KDM4C: variants seen among roughly 807,000 people sequenced by gnomAD.
The protein encoded by KDM4C is lysine-specific demethylase 4C.
A neutral mutation model predicts 129.3 loss-of-function variants in KDM4C; 81 were observed. That is an observed-to-expected ratio of 0.63 (90% CI 0.52 to 0.75). KDM4C has a LOEUF of 0.75. Ranked by LOEUF, KDM4C falls within the 30% of genes least tolerant of loss-of-function variation. The probability of loss-of-function intolerance (pLI) is 0.00; values close to 1 mark genes in which losing one functional copy is unlikely to be tolerated. For missense variants in KDM4C, 1,457 were observed against 1,304.0 expected, an observed-to-expected ratio of 1.12 and a Z score of -1.81; for synonymous variants, 573 against 456.1, an observed-to-expected ratio of 1.26 and a Z score of -3.26.
intron 21 of KDM4C, 179 bp downstream of exon 21, chr9:7,170,069 G>A: frequency 6.7e-7 from 1 of 1,502,256 alleles, no homozygotes; most frequent in Non-Finnish European, 9.0e-7. Flanking sequence ...ACCAAAATCG[G>A]GGAAATTAAT....
At chr9:6,748,946 C>A (rs764346818) in intron 1 of KDM4C, 7 of 901,090 alleles carry the variant, frequency 7.8e-6, no homozygotes, top group South Asian at 6.5e-5. Flanking sequence ...GCACCATAAC[C>A]TTCTGCACTT....
intron 8 of KDM4C, among the ~76,000 whole-genome samples, chr9:6,939,877 G>C (rs983467087): frequency 6.6e-6 from 1 of 152,112 alleles, no homozygotes; most frequent in Non-Finnish European, 1.5e-5. Context: ...GAAAGTCTAA[G>C]TAAAAAACGT....
At chr9:7,130,717 A>G (rs1840532245) in intron 19 of KDM4C, among the ~76,000 whole-genome samples, 1 of 152,180 alleles carries the variant, frequency 6.6e-6, no homozygotes, top group African/African-American at 2.4e-5. Flanking sequence ...TAGATTGGAA[A>G]GGACGCATCT....
At chr9:7,043,613 T>G (rs1465695862) in intron 15 of KDM4C, among the ~76,000 whole-genome samples, 2 of 152,012 alleles carry the variant, frequency 1.3e-5, no homozygotes, top group East Asian at 1.9e-4. Flanking sequence ...CCAGATCAAC[T>G]AGTTTGACCC....
At chr9:6,762,762 G>C (rs1219302809) in intron 1 of KDM4C, among the ~76,000 whole-genome samples, 2 of 151,120 alleles carry the variant, frequency 1.3e-5, no homozygotes, top group Admixed American at 6.6e-5. Flanking sequence ...GGGTTCAAGC[G>C]ATTCTCCTGC....
chr9:6,728,064 T>A, intron 1 of KDM4C, among the ~76,000 whole-genome samples: 1 of 46,868 alleles, frequency 2.1e-5, no homozygotes, highest in African/African-American at 1.0e-4. Flanking sequence ...ACCATGAAGC[T>A]GCAAAAAAAA....
chr9:6,725,716 T>C lies in KDM4C; in HGVS notation c.49+4719T>C, dbSNP rs553643948. Among the ~76,000 whole-genome samples, 425 of 148,098 alleles carry C rather than the reference T, an allele frequency of 2.9e-3. 4 individuals are homozygous for C. Among genetic ancestry groups the C allele is most frequent in the Admixed American group, 6.9e-3 (103 of 14,860 alleles). On this transcript the variant is annotated intron_variant, in intron 1 of 17. Coordinates refer to the KDM4C transcript ENST00000536108. ...CTTTTCTTTTCTTTTCTTTTCTTTT[T>C]TTTTTTTTTTTGAGACAGAGTCTGG...
chr9:6,841,313 A>T (rs1025767047), intron 4 of KDM4C, among the ~76,000 whole-genome samples: 2 of 152,136 alleles, frequency 1.3e-5, no homozygotes, highest in Non-Finnish European at 2.9e-5. Context: ...ACATGAGGAT[A>T]ATATTGAAGG....
chr9:6,751,113 C>T (rs945519227), intron 1 of KDM4C, among the ~76,000 whole-genome samples: 14 of 152,174 alleles, frequency 9.2e-5, no homozygotes, highest in African/African-American at 2.7e-4. Flanking sequence ...AGTCATATCA[C>T]ATCACTTCTG....
intron 15 of KDM4C, among the ~76,000 whole-genome samples, chr9:7,028,565 C>G (rs993412418): frequency 2.0e-5 from 3 of 151,926 alleles, no homozygotes; most frequent in Non-Finnish European, 4.4e-5. Context: ...GGAGGTGGCA[C>G]AAGTACTTCC....
At chr9:7,134,535 C>G (rs1192088981) in intron 19 of KDM4C, among the ~76,000 whole-genome samples, 1 of 152,130 alleles carries the variant, frequency 6.6e-6, no homozygotes, top group African/African-American at 2.4e-5. Flanking sequence ...CACAATTTTT[C>G]TAGGCATTTA....
chr9:6,792,124 T>C (rs1228693955), intron 1 of KDM4C, among the ~76,000 whole-genome samples: 1 of 152,118 alleles, frequency 6.6e-6, no homozygotes, highest in Non-Finnish European at 1.5e-5. Context: ...GCGGATTGGC[T>C]GAGGTCAGGA....
intron 2 of KDM4C, among the ~76,000 whole-genome samples, chr9:6,800,195 T>C: frequency 6.6e-6 from 1 of 152,120 alleles, no homozygotes; most frequent in East Asian, 1.9e-4. Context: ...GGTGAAATGC[T>C]GTCTCTACTA....
At chr9:6,823,523 C>T (rs984256144) in intron 4 of KDM4C, among the ~76,000 whole-genome samples, 1 of 152,320 alleles carries the variant, frequency 6.6e-6, no homozygotes, top group South Asian at 2.1e-4. Flanking sequence ...CCTTCAACTT[C>T]TGCTATCTCA....
intron 11 of KDM4C, among the ~76,000 whole-genome samples, chr9:6,987,390 A>G (rs1817916715): frequency 1.3e-5 from 2 of 152,250 alleles, no homozygotes; most frequent in African/African-American, 4.8e-5. Context: ...TTAATATTCC[A>G]TATTCAGTAG....
At chr9:6,728,440 A>G (rs534201942) in intron 1 of KDM4C, among the ~76,000 whole-genome samples, 1 of 152,274 alleles carries the variant, frequency 6.6e-6, no homozygotes, top group East Asian at 1.9e-4. Context: ...AGGCTGAGGC[A>G]GGAGAATTGC....
At chr9:6,929,763 C>CTA (rs1823335142) in intron 8 of KDM4C, among the ~76,000 whole-genome samples, 1 of 152,106 alleles carries the variant, frequency 6.6e-6, no homozygotes, top group Admixed American at 6.6e-5. Flanking sequence ...AGAAAGGATA[C>CTA]TTTTGTGGGT....
rs556968917 is a variant in KDM4C at position 6,836,584 on chromosome 9, T to A, written c.436-12923T>A. Among the ~76,000 whole-genome samples, 9 of 152,278 alleles carry A rather than the reference T, an allele frequency of 5.9e-5. No individual in the cohort carries two copies. The South Asian group carries it at 1.9e-3, about 32-fold the overall frequency. ...CCCCATCACTCTGGGGTGGCCTGAA[T>A]TTTGTGTTTGATTTCTTGCCTTGTA... On this transcript the variant is annotated intron_variant, in intron 4 of 21. Transcript: ENST00000381309.
At chr9:7,103,604 G>A in intron 17 of KDM4C, 81 bp from the exon 18 acceptor site, 2 of 804,422 alleles carry the variant, frequency 2.5e-6, no homozygotes, top group Non-Finnish European at 3.9e-6. Flanking sequence ...TTCTTCTCTA[G>A]TAGCTATTGT....
Sources: gnomAD v4.1 joint callset for allele counts (sites outside exome capture counted in the v4.1 genomes callset) on GRCh38, gnomAD v4.1.1 for gene constraint, MANE v1.5 for transcripts, NCBI Gene and HGNC (gene_info 2026-07-23, HGNC 2026-07-21) for gene names.